PTPN18: variants seen among roughly 807,000 people sequenced by gnomAD.
PTPN18 encodes the protein protein tyrosine phosphatase non-receptor type 18.
PTPN18 carries 65 observed loss-of-function variants against 65.4 expected under a neutral mutation model. The observed-to-expected ratio is 0.99, with a 90% confidence interval of 0.81 to 1.22. The LOEUF (loss-of-function observed/expected upper bound fraction) is 1.22. PTPN18 is among the 50% of genes most tolerant of loss of function. The pLI is 0.00. For missense variants in PTPN18, 616 were observed against 646.5 expected (o/e 0.95, Z 0.51); for synonymous variants, 255 against 267.8 (o/e 0.95, Z 0.47).
Position 130,359,602 on chromosome 2 carries a change from G to A in PTPN18, c.376-6G>A, listed in dbSNP as rs767031902. ...ACCTTCCTCTCCCCTGACCCTCCTT[G>A]TCTAGGTGATCCTGATGGCCTGTCG... On this transcript the variant is annotated splice_polypyrimidine_tract_variant and splice_region_variant and intron_variant, in intron 4 of 14. Transcript: ENST00000175756. 1.2e-6 allele frequency: 2 copies of A among 1,613,974 alleles called. No individual in the cohort carries two copies. The highest frequency in any genetic ancestry group is 2.7e-5 in the African/African-American group (2 of 74,898).
In PTPN18 at chr2:130,373,420, A is replaced by AGTGGCTG. The variant is rs1292345781; in HGVS notation, c.*200_*206dup. On this transcript the variant is annotated 3_prime_UTR_variant, in exon 15 of 15. Coordinates refer to ENST00000175756, the MANE Select transcript of PTPN18 (RefSeq NM_014369.4). This position sits in a 1 kb window ranked among gnomAD's most constrained non-coding sequence, Gnocchi z 4.1. ...AGGCTGGAGGAGGTAGCTAGGGTAT[A>AGTGGCTG]GTGGCTGGTGAGGCTGCACAGAGCA... 3.5e-6 allele frequency: 2 copies of AGTGGCTG among 575,882 alleles called. No individual in the cohort carries two copies. Among genetic ancestry groups the AGTGGCTG allele is most frequent in the African/African-American group, 3.8e-5 (2 of 53,184 alleles). The allele number at this position is 575,882 out of a possible 1,614,324, so 35.7% of individuals were successfully genotyped here. A position where few individuals can be genotyped will look rare whatever the true frequency, so the allele number is the denominator to read the frequency against.
chr2:130,373,155 A>G lies in PTPN18; in HGVS notation c.1316-2A>G, dbSNP rs1338196629. On this transcript the variant is annotated splice_acceptor_variant, in intron 14 of 14. Coordinates refer to ENST00000175756, the MANE Select transcript of PTPN18 (RefSeq NM_014369.4). LOFTEE classifies it high-confidence loss of function. The surrounding 1 kb of genome is among the most constrained non-coding windows in gnomAD (Gnocchi z 4.1). ...AGACCCACGGCACCCTTCTTCTCCCAGGTTTCAACCTGCGCATTGGGAGGC... is the reference window on the plus strand; with the variant it reads ...AGACCCACGGCACCCTTCTTCTCCCGGGTTTCAACCTGCGCATTGGGAGGC... 4 of 1,579,146 alleles carry G rather than the reference A, an allele frequency of 2.5e-6. No individual in the cohort carries two copies. Among genetic ancestry groups the G allele is most frequent in the Admixed American group, 3.7e-5 (2 of 54,460 alleles).
chr2:130,364,518 T>C (rs1680322299), intron 5 of PTPN18, among the ~76,000 whole-genome samples: 1 of 152,222 alleles, frequency 6.6e-6, no homozygotes. Flanking sequence ...GTATACAGGC[T>C]GGACACAGTG....
chr2:130,363,061 C>T lies in PTPN18; in HGVS notation c.414+3415C>T, dbSNP rs952564199. 1.7e-3 allele frequency among the ~76,000 whole-genome samples: 264 copies of T among 151,414 alleles called. 3 individuals carry two copies. Among genetic ancestry groups the T allele is most frequent in the African/African-American group, 5.6e-3 (232 of 41,398 alleles). On this transcript the variant is annotated intron_variant, in intron 5 of 14. Transcript: ENST00000175756. ...GTCTCAATCTCCTGACCTCGTGATC[C>T]GCCCACCTCAGCCTCCCAAAGTGCT...
chr2:130,357,692 T>C (rs1212580276), intron 1 of PTPN18, among the ~76,000 whole-genome samples: 2 of 152,144 alleles, frequency 1.3e-5, no homozygotes, highest in South Asian at 4.1e-4. Flanking sequence ...CCGTCTCTAC[T>C]AAACACACAA....
intron 1 of PTPN18, among the ~76,000 whole-genome samples, chr2:130,357,617 G>A (rs1680026847): frequency 1.3e-5 from 2 of 152,194 alleles, no homozygotes; most frequent in Non-Finnish European, 2.9e-5. Flanking sequence ...AGCACTTTGG[G>A]AGGCCGAGGC....
At chr2:130,362,832 GT>G (rs1301929518) in intron 5 of PTPN18, among the ~76,000 whole-genome samples, 1 of 151,778 alleles carries the variant, frequency 6.6e-6, no homozygotes, top group Admixed American at 6.6e-5. Flanking sequence ...TTTTGTTTTT[GT>G]TTTTGAGACG....
intron 13 of PTPN18, 30 bp downstream of exon 13, chr2:130,372,513 A>AGG (rs1680605249): frequency 7.2e-7 from 1 of 1,391,376 alleles, no homozygotes; most frequent in Non-Finnish European, 9.3e-7. Flanking sequence ...TTCTCAGGGC[A>AGG]TCATCCTGCT....
In PTPN18 at chr2:130,372,961, A is replaced by T; in HGVS notation, c.1315+14A>T. 6.2e-7 allele frequency: 1 copy of T among 1,614,018 alleles called. No homozygotes were observed. Among genetic ancestry groups the T allele is most frequent in the South Asian group, 1.1e-5 (1 of 91,078 alleles). On this transcript the variant is annotated intron_variant, in intron 14 of 14. Coordinates refer to ENST00000175756, the MANE Select transcript of PTPN18 (RefSeq NM_014369.4). The stretch of plus-strand genomic sequence containing the variant: ...CCGGTGGGCTAGGTAAGTCAGGTAG[A>T]GCCTGGGTTGCTGGGACTTTGCTGC...
chr2:130,369,212 G>T lies in PTPN18; in HGVS notation c.483+11G>T. The T allele has an allele frequency of 6.2e-7, 1 of 1,610,430 alleles. No individual in the cohort carries two copies. The highest frequency in any genetic ancestry group is 8.5e-7 in the Non-Finnish European group (1 of 1,177,022). On this transcript the variant is annotated intron_variant, in intron 6 of 14. Transcript: ENST00000175756. ...TTCTGCATCACTCTGGTGAGCTGTG[G>T]GAGTTTTCAAGGAAGATTCCCAGGG...
intron 5 of PTPN18, among the ~76,000 whole-genome samples, chr2:130,364,017 A>T (rs1287239317): frequency 6.6e-6 from 1 of 150,964 alleles, no homozygotes; most frequent in Non-Finnish European, 1.5e-5. Flanking sequence ...TCTTTAAATT[A>T]TGTGGTAAAA....
chr2:130,356,535 C>G, intron 1 of PTPN18: 1 of 504,946 alleles, frequency 2.0e-6, no homozygotes, highest in Non-Finnish European at 4.0e-6. Flanking sequence ...GGCGGGCGGC[C>G]CTGCTGCGCT....
chr2:130,358,065 C>T (rs1297498396), intron 1 of PTPN18, among the ~76,000 whole-genome samples: 1 of 152,108 alleles, frequency 6.6e-6, no homozygotes, highest in Non-Finnish European at 1.5e-5. Flanking sequence ...GTGTACAGTG[C>T]GGAGGGCCTC....
chr2:130,370,289 A>G (rs981452182), intron 8 of PTPN18, 99 bp downstream of exon 8: 5 of 1,532,414 alleles, frequency 3.3e-6, no homozygotes, highest in Non-Finnish European at 8.8e-7. Context: ...CTGAGTGCCT[A>G]TTTTGAGAAC....
At position 130,373,233 on chromosome 2, in the gene PTPN18, C is replaced by G. The variant is rs892742429; in HGVS notation, c.*9C>G. ...AGTGGACCCGGGTGTAAGTCTAACG[C>G]CAGTTCCTGCCTGTTGCCTCTTGTG... is the stretch of plus-strand genomic sequence containing the variant. On this transcript the variant is annotated 3_prime_UTR_variant, in exon 15 of 15. Transcript: ENST00000175756. This position sits in a 1 kb window ranked among gnomAD's most constrained non-coding sequence, Gnocchi z 4.1. The G allele has an allele frequency of 6.3e-7, 1 of 1,576,918 alleles. No homozygotes were observed. The highest frequency in any genetic ancestry group is 1.2e-5 in the South Asian group (1 of 85,462).
intron 12 of PTPN18, 91 bp downstream of exon 12, chr2:130,371,378 C>A (rs1680561174): frequency 8.7e-7 from 1 of 1,146,530 alleles, no homozygotes; most frequent in Non-Finnish European, 1.2e-6. Flanking sequence ...TCCTTGTTCA[C>A]TTCGCCAAGT....
intron 8 of PTPN18, 95 bp from the exon 9 acceptor site, chr2:130,370,462 G>A (rs1680521619): frequency 7.2e-7 from 1 of 1,388,476 alleles, no homozygotes; most frequent in African/African-American, 1.4e-5. Flanking sequence ...GCTCTGCAGG[G>A]GATCCATCAG....
chr2:130,356,803 C>A, intron 1 of PTPN18: 2 of 379,720 alleles, frequency 5.3e-6, no homozygotes, highest in Non-Finnish European at 5.5e-6. Context: ...ACATGAATGA[C>A]CAAACTGGTC....
Position 130,369,788 on chromosome 2 carries a change from G to T in PTPN18, c.507G>T (p.Glu169Asp), listed in dbSNP as rs767918664. The change falls in exon 7 of 15, where the codon GAG becomes GAT. Residue 169 changes from glutamate to aspartate, a missense_variant. By Grantham distance (45) the Glu-to-Asp change is conservative. Coordinates refer to ENST00000175756, the MANE Select transcript of PTPN18 (RefSeq NM_014369.4). ...AGATAAAGGAGAAGTGGCTGAATGA[G>T]GACATCATGCTCAGGACCCTCAAGG... ...ITLIKEKWLN[E>D]DIMLRTLKVT... 2 of 1,605,060 alleles carry T rather than the reference G, an allele frequency of 1.2e-6. No homozygotes were observed. The highest frequency in any genetic ancestry group is 1.1e-5 in the South Asian group (1 of 90,786).
Sources: gnomAD v4.1 joint callset for allele counts (sites outside exome capture counted in the v4.1 genomes callset) on GRCh38, gnomAD v4.1.1 for gene constraint, Gnocchi (gnomAD v3.1) non-coding constraint, MANE v1.5 for transcripts, NCBI Gene and HGNC (gene_info 2026-07-23, HGNC 2026-07-21) for gene names.